The following HSDL2 variants were observed in gnomAD, a reference collection of about 807,000 sequenced individuals.
The protein encoded by HSDL2 is hydroxysteroid dehydrogenase like 2.
Under a neutral mutation model 46.3 loss-of-function variants are expected in HSDL2, and 27 were observed. The observed-to-expected ratio is 0.58, with a 90% CI of 0.43 to 0.80. HSDL2 has a LOEUF of 0.80. Among genes scored for constraint, HSDL2 ranks in the 30% least tolerant of loss-of-function variants. The pLI, the probability that HSDL2 is intolerant of heterozygous loss-of-function variation, is 0.00. For synonymous variants in HSDL2, 153 were observed against 163.6 expected (o/e 0.94, Z 0.50); for missense variants, 451 against 502.7 (o/e 0.90, Z 0.98).
chr9:112,446,135 CTCAT>C (rs1832755539), intron 8 of HSDL2, among the ~76,000 whole-genome samples: 2 of 151,178 alleles, frequency 1.3e-5, no homozygotes, highest in African/African-American at 2.4e-5. Context: ...TTAATTCTTC[CTCAT>C]ATTAGGAGAT....
intron 3 of HSDL2, among the ~76,000 whole-genome samples, chr9:112,408,182 T>G (rs73535968): frequency 0.025 from 3,838 of 152,246 alleles, 199 homozygotes; most frequent in African/African-American, 0.087. Context: ...GGGAGACTAC[T>G]ATGCTTGGAG....
At chr9:112,393,026 G>A (rs565490154) in intron 1 of HSDL2, among the ~76,000 whole-genome samples, 13 of 152,266 alleles carry the variant, frequency 8.5e-5, no homozygotes, top group Non-Finnish European at 1.6e-4. Context: ...GAGCCATGGC[G>A]ATGAAGGCTT....
chr9:112,431,289 G>A (rs1486021808), intron 6 of HSDL2, among the ~76,000 whole-genome samples: 1 of 151,932 alleles, frequency 6.6e-6, no homozygotes, highest in Non-Finnish European at 1.5e-5. Flanking sequence ...AAAATCTGTG[G>A]GTTATCAGCA....
intron 4 of HSDL2, among the ~76,000 whole-genome samples, chr9:112,415,103 T>C (rs1831962386): frequency 6.6e-6 from 1 of 152,178 alleles, no homozygotes; most frequent in South Asian, 2.1e-4. Flanking sequence ...AAAATTAACA[T>C]TTTAGAAATA....
At chr9:112,444,731 C>G (rs1340630187) in intron 8 of HSDL2, among the ~76,000 whole-genome samples, 1 of 151,640 alleles carries the variant, frequency 6.6e-6, no homozygotes, top group South Asian at 2.1e-4. Context: ...GAGTGAGACC[C>G]CTGTCTCAAA....
intron 6 of HSDL2, among the ~76,000 whole-genome samples, chr9:112,424,244 C>G (rs935175831): frequency 2.0e-5 from 3 of 150,282 alleles, no homozygotes; most frequent in Non-Finnish European, 3.0e-5. Flanking sequence ...TGGCATGAAC[C>G]TGGGAGGCAG....
intron 6 of HSDL2, chr9:112,433,671 ATTTGAGAGGGTGTTCAGGCTCTTGGCTG>A (rs1832456852): frequency 1.3e-5 from 2 of 152,200 alleles, no homozygotes; most frequent in African/African-American, 4.8e-5. Context: ...GTGAAAATGG[ATTTGAGAGGGTGTTCAGGCTCTTGGCTG>A]TTTGAGAGGC....
intron 2 of HSDL2, among the ~76,000 whole-genome samples, chr9:112,404,653 C>T (rs1022899839): frequency 6.6e-6 from 1 of 152,100 alleles, no homozygotes; most frequent in African/African-American, 2.4e-5. Context: ...TTTGAGAAAG[C>T]GTTCTGTGTT....
At chr9:112,412,091 G>A (rs1831882776) in intron 4 of HSDL2, among the ~76,000 whole-genome samples, 1 of 152,178 alleles carries the variant, frequency 6.6e-6, no homozygotes, top group Non-Finnish European at 1.5e-5. Context: ...AACTTTTTGA[G>A]TGCTGACTCG....
At chr9:112,403,207 A>T (rs1001122563) in intron 1 of HSDL2, among the ~76,000 whole-genome samples, 2 of 152,144 alleles carry the variant, frequency 1.3e-5, no homozygotes, top group African/African-American at 4.8e-5. Context: ...ACCTTTAATC[A>T]TCCTAGAAGG....
chr9:112,442,348 CT>C (rs996064306), intron 8 of HSDL2, among the ~76,000 whole-genome samples: 1 of 142,350 alleles, frequency 7.0e-6, no homozygotes, highest in Non-Finnish European at 1.5e-5. Context: ...TCTGAAAAAA[CT>C]TTTTTTTAGG....
chr9:112,382,184 C>T (rs1393915072), intron 1 of HSDL2, among the ~76,000 whole-genome samples: 3 of 152,200 alleles, frequency 2.0e-5, no homozygotes. Context: ...CCGCTTGAAC[C>T]TGGAGGCGGA....
chr9:112,389,537 A>G (rs1400274926), intron 1 of HSDL2, among the ~76,000 whole-genome samples: 2 of 152,324 alleles, frequency 1.3e-5, no homozygotes, highest in South Asian at 4.1e-4. Flanking sequence ...GTTAAAAACA[A>G]TGGAGTACCT....
intron 8 of HSDL2, among the ~76,000 whole-genome samples, chr9:112,453,640 G>A (rs1161158623): frequency 2.0e-5 from 3 of 151,992 alleles, no homozygotes; most frequent in East Asian, 1.9e-4. Context: ...TGATCCACCC[G>A]CCTTGGCCTC....
chr9:112,419,300 G>A (rs988761612), intron 6 of HSDL2, among the ~76,000 whole-genome samples: 1 of 152,130 alleles, frequency 6.6e-6, no homozygotes, highest in African/African-American at 2.4e-5. Flanking sequence ...CACCACGCCC[G>A]GCCTGTCCTT....
chr9:112,422,095 T>C (rs1437184867), intron 6 of HSDL2, among the ~76,000 whole-genome samples: 1 of 152,162 alleles, frequency 6.6e-6, no homozygotes, highest in Non-Finnish European at 1.5e-5. Context: ...CTCAGAGACT[T>C]CTTCAAGTCC....
chr9:112,380,150 G>A lies in HSDL2; in HGVS notation c.-14G>A. ...CGCCGCTGTCGCCGCCACCTCCTCTGATCTACGAAAGTCATGTTACCCAAC... is the reference window on the plus strand; with the variant it reads ...CGCCGCTGTCGCCGCCACCTCCTCTAATCTACGAAAGTCATGTTACCCAAC... On this transcript the variant is annotated 5_prime_UTR_variant, in exon 1 of 11. Transcript: ENST00000398805. The A allele has an allele frequency of 6.4e-7, 1 of 1,570,052 alleles. No individual in the cohort carries two copies. The highest frequency in any genetic ancestry group is 1.4e-5 in the African/African-American group (1 of 73,854).
chr9:112,429,539 C>A (rs767493172), intron 6 of HSDL2, among the ~76,000 whole-genome samples: 1 of 152,178 alleles, frequency 6.6e-6, no homozygotes, highest in Non-Finnish European at 1.5e-5. Context: ...TTTATTCATA[C>A]AATAAACATT....
chr9:112,444,416 T>C (rs973403376), intron 8 of HSDL2, among the ~76,000 whole-genome samples: 5 of 87,316 alleles, frequency 5.7e-5, no homozygotes, highest in African/African-American at 1.7e-4. Flanking sequence ...AGTTTTAAAT[T>C]GATGGGTTTT....
Sources: gnomAD v4.1 joint callset for allele counts (sites outside exome capture counted in the v4.1 genomes callset) on GRCh38, gnomAD v4.1.1 for gene constraint, MANE v1.5 for transcripts, NCBI Gene and HGNC (gene_info 2026-07-23, HGNC 2026-07-21) for gene names.